Variants in CELF2 observed in about 807,000 individuals in gnomAD.
CELF2 encodes the protein CUGBP Elav-like family member 2.
In CELF2, 8 loss-of-function variants were observed where a neutral mutation model predicts 62.6. The observed-to-expected ratio is 0.13, with a 90% CI of 0.07 to 0.23. The LOEUF (loss-of-function observed/expected upper bound fraction) is 0.23. Ranked by LOEUF, CELF2 falls within the 10% of genes least tolerant of loss-of-function variation. The pLI is 1.00. For missense variants in CELF2, 333 were observed against 671.0 expected, an observed-to-expected ratio of 0.50 and a Z score of 5.56; for synonymous variants, 258 against 250.0, an observed-to-expected ratio of 1.03 and a Z score of -0.30.
At chr10:10,951,128 A>G (rs2048270160) in intron 2 of CELF2, among the ~76,000 whole-genome samples, 1 of 152,204 alleles carries the variant, frequency 6.6e-6, no homozygotes, top group African/African-American at 2.4e-5. Flanking sequence ...AACCACTCGG[A>G]ACTCAACTTC....
At chr10:10,860,148 A>T (rs2059971817) in intron 1 of CELF2, among the ~76,000 whole-genome samples, 1 of 152,222 alleles carries the variant, frequency 6.6e-6, no homozygotes, top group Non-Finnish European at 1.5e-5. Flanking sequence ...TTTGTAAATC[A>T]TTTTAATATC....
chr10:10,895,617 A>G (rs2062491148), intron 1 of CELF2, among the ~76,000 whole-genome samples: 1 of 152,152 alleles, frequency 6.6e-6, no homozygotes, highest in Non-Finnish European at 1.5e-5. Flanking sequence ...TCAATTTCAC[A>G]ATTTATTTTC....
intron 1 of CELF2, among the ~76,000 whole-genome samples, chr10:11,074,216 A>G (rs1165230153): frequency 6.6e-6 from 1 of 152,156 alleles, no homozygotes; most frequent in Non-Finnish European, 1.5e-5. Context: ...ATCCTTTTGT[A>G]TTTTTCTCAA....
chr10:10,604,355 A>T, the CELF2 span, among the ~76,000 whole-genome samples: 1 of 152,228 alleles, frequency 6.6e-6, no homozygotes. Context: ...GATATCCACA[A>T]AGGATTGACC....
chr10:10,848,614 T>G (rs895754160), intron 1 of CELF2, among the ~76,000 whole-genome samples: 2 of 152,054 alleles, frequency 1.3e-5, no homozygotes, highest in Non-Finnish European at 2.9e-5. Context: ...CTCTCATGGT[T>G]TTGTGGAGTT....
chr10:11,286,206 A>G (rs1281808934), intron 8 of CELF2, among the ~76,000 whole-genome samples: 1 of 152,208 alleles, frequency 6.6e-6, no homozygotes, highest in African/African-American at 2.4e-5. Flanking sequence ...CAGGCCATCA[A>G]CACAGCTCCA....
chr10:10,620,028 C>T, the CELF2 span, among the ~76,000 whole-genome samples: 1 of 151,966 alleles, frequency 6.6e-6, no homozygotes, highest in African/African-American at 2.4e-5. Context: ...AGGTATATTG[C>T]ATAAGCTTCT....
At chr10:10,752,795 C>T in the CELF2 span, among the ~76,000 whole-genome samples, 1 of 112,552 alleles carries the variant, frequency 8.9e-6, no homozygotes, top group African/African-American at 3.4e-5. Context: ...GAGCAAAATA[C>T]CGGTAGTAAA....
chr10:10,650,363 G>C, the CELF2 span, among the ~76,000 whole-genome samples: 1 of 152,144 alleles, frequency 6.6e-6, no homozygotes, highest in African/African-American at 2.4e-5. Flanking sequence ...TGCTTCCAAA[G>C]TAGTATATCT....
chr10:10,741,136 T>C, the CELF2 span, among the ~76,000 whole-genome samples: 2 of 152,224 alleles, frequency 1.3e-5, no homozygotes, highest in African/African-American at 2.4e-5. Flanking sequence ...TTCATTTGTT[T>C]ACCTGTAGGA....
At chr10:10,725,906 A>AG in the CELF2 span, among the ~76,000 whole-genome samples, 1 of 152,152 alleles carries the variant, frequency 6.6e-6, no homozygotes, top group Admixed American at 6.5e-5. Flanking sequence ...ATTAAAAAAA[A>AG]AAAGAGTTCC....
At position 11,299,304 on chromosome 10, in the gene CELF2, T is replaced by A. The variant is rs192439772; in HGVS notation, c.976+10752T>A. Among the ~76,000 whole-genome samples the A allele has an allele frequency of 3.0e-4, 45 of 152,296 alleles. 1 individual carries two copies. The East Asian group carries it at 4.4e-3, about 15-fold the overall frequency. On this transcript the variant is annotated intron_variant, in intron 9 of 12. Transcript: ENST00000633077. ...TTGCAGGGGCAGCAGTCCTACTGAGTCCACGCGGCGCCCCAGCGAGCCTGC... is the reference window on the plus strand; with the variant it reads ...TTGCAGGGGCAGCAGTCCTACTGAGACCACGCGGCGCCCCAGCGAGCCTGC...
intron 2 of CELF2, among the ~76,000 whole-genome samples, chr10:10,969,128 G>A (rs1050871306): frequency 1.3e-5 from 2 of 152,182 alleles, no homozygotes; most frequent in African/African-American, 4.8e-5. Flanking sequence ...GTGGTGACAT[G>A]TGCCTGTAGT....
At chr10:10,524,358 T>C in the CELF2 span, among the ~76,000 whole-genome samples, 3 of 150,890 alleles carry the variant, frequency 2.0e-5, no homozygotes, top group African/African-American at 7.3e-5. Context: ...AGATACATTT[T>C]GCAGAAGAAT....
intron 1 of CELF2, among the ~76,000 whole-genome samples, chr10:11,035,307 T>C (rs1005563709): frequency 6.6e-6 from 1 of 152,258 alleles, no homozygotes; most frequent in Non-Finnish European, 1.5e-5. Flanking sequence ...GTTTCTAATA[T>C]GGTAGCAGCC....
intron 1 of CELF2, among the ~76,000 whole-genome samples, chr10:11,022,320 T>C (rs924948494): frequency 4.6e-5 from 7 of 152,240 alleles, no homozygotes; most frequent in African/African-American, 1.7e-4. Flanking sequence ...ATCTTTGATC[T>C]GGGCAGAGGT....
Position 11,157,649 on chromosome 10 carries a change from A to C in CELF2, c.75-7837A>C, listed in dbSNP as rs1047500678. ...CTATTTTTCAGCTCTCTCACCTTCAAACCTACCACTGTGCCTGACATAAAG... is the reference window on the plus strand; with the variant it reads ...CTATTTTTCAGCTCTCTCACCTTCACACCTACCACTGTGCCTGACATAAAG... On this transcript the variant is annotated intron_variant, in intron 1 of 12. Coordinates refer to ENST00000633077, the MANE Select transcript of CELF2 (RefSeq NM_001326342.2). The surrounding 1 kb of genome is among the most constrained non-coding windows in gnomAD (Gnocchi z 4.9). Among the ~76,000 whole-genome samples the C allele has an allele frequency of 6.6e-6, 1 of 152,166 alleles. No individual in the cohort carries two copies. The highest frequency in any genetic ancestry group is 1.5e-5 in the Non-Finnish European group (1 of 68,030).
At chr10:10,732,586 C>T in the CELF2 span, among the ~76,000 whole-genome samples, 4 of 143,644 alleles carry the variant, frequency 2.8e-5, no homozygotes, top group South Asian at 6.9e-4. Flanking sequence ...TGCAGTGGTA[C>T]ATTCTTGGCT....
intron 8 of CELF2, among the ~76,000 whole-genome samples, chr10:11,275,598 G>A (rs1467173358): frequency 2.0e-5 from 3 of 152,156 alleles, no homozygotes; most frequent in Admixed American, 6.5e-5. Context: ...CCTTGATAAC[G>A]ACAGACAATT....
Sources: allele counts gnomAD v4.1 joint callset (sites outside exome capture counted in the v4.1 genomes callset), GRCh38; gene constraint gnomAD v4.1.1; non-coding constraint Gnocchi (gnomAD v3.1); transcripts MANE v1.5; gene names NCBI Gene and HGNC (gene_info 2026-07-23, HGNC 2026-07-21).